The following NPAS3 variants were observed in gnomAD, a reference collection of about 807,000 sequenced individuals.
NPAS3 encodes neuronal PAS domain-containing protein 3.
NPAS3 carries 14 observed loss-of-function variants against 73.1 expected under a neutral mutation model. That is an observed-to-expected ratio of 0.19 (90% confidence interval 0.13 to 0.30). The LOEUF (loss-of-function observed/expected upper bound fraction) is 0.30, where lower values mean the gene tolerates loss of function less well. Ranked by LOEUF, NPAS3 falls within the 10% of genes least tolerant of loss-of-function variation. NPAS3 has a pLI of 1.00. For synonymous variants in NPAS3, 620 were observed against 541.5 expected (o/e 1.14, Z -2.01); for missense variants, 1,096 against 1,250.0 (o/e 0.88, Z 1.86).
intron 1 of NPAS3, among the ~76,000 whole-genome samples, chr14:32,978,101 A>T (rs1178382671): frequency 7.0e-6 from 1 of 143,376 alleles, no homozygotes; most frequent in African/African-American, 2.7e-5. Flanking sequence ...ACAAATGAGG[A>T]AGTGAAGATG....
At chr14:33,504,428 A>T (rs1349703759) in intron 4 of NPAS3, among the ~76,000 whole-genome samples, 1 of 152,040 alleles carries the variant, frequency 6.6e-6, no homozygotes, top group Non-Finnish European at 1.5e-5. Context: ...GTGATTCCCA[A>T]GACTTTTATA....
intron 4 of NPAS3, among the ~76,000 whole-genome samples, chr14:33,374,165 T>G (rs144449829): frequency 6.6e-6 from 1 of 152,326 alleles, no homozygotes; most frequent in East Asian, 1.9e-4. Flanking sequence ...ATGGATAATG[T>G]TGTCAACCTC....
chr14:33,059,558 C>T (rs1394991211), intron 2 of NPAS3, among the ~76,000 whole-genome samples: 5 of 152,040 alleles, frequency 3.3e-5, no homozygotes, highest in African/African-American at 1.2e-4. Flanking sequence ...AGTTATTTTG[C>T]TAAGTATTAC....
rs1389031338 is a variant in NPAS3 at position 32,977,351 on chromosome 14, G to GACACAC, written c.50+37989_50+37990insACACAC. Among the ~76,000 whole-genome samples the GACACAC allele has an allele frequency of 3.8e-3, 36 of 9,478 alleles. 1 individual carries two copies. The highest frequency in any genetic ancestry group is 7.4e-3 in the African/African-American group (35 of 4,718). 6.2% of individuals were successfully genotyped at this position (9,478 alleles called of 152,430 possible). A position where few individuals can be genotyped will look rare whatever the true frequency, so the allele number is the denominator to read the frequency against. On this transcript the variant is annotated intron_variant, in intron 1 of 11. Transcript: ENST00000356141. ...TTACCTTTCTACGAGTTTTGTCTCT[G>GACACAC]ACACGCACACACACACACACACACA... is the stretch of plus-strand genomic sequence containing the variant.
At chr14:33,334,241 T>C (rs1438219223) in intron 3 of NPAS3, among the ~76,000 whole-genome samples, 1 of 152,198 alleles carries the variant, frequency 6.6e-6, no homozygotes, top group Non-Finnish European at 1.5e-5. Flanking sequence ...ATATTTTATA[T>C]ACTGTGCAAT....
Position 33,178,079 on chromosome 14 carries a change from G to GT in NPAS3, c.141-37090dup, listed in dbSNP as rs57878369. Among the ~76,000 whole-genome samples the GT allele has an allele frequency of 3.0e-4, 38 of 126,386 alleles. No homozygotes were observed. In the East Asian group the frequency reaches 5.5e-3, roughly 18 times the overall value. The allele number at this position is 126,386 out of a possible 152,430, so 82.9% of individuals were successfully genotyped here. On this transcript the variant is annotated intron_variant, in intron 2 of 11. Transcript: ENST00000356141. ...ATAGGCATTGAAGTGAATTTTTTTT[G>GT]TTTTTTTTTTTTTGGAGACAGAGTC... is the stretch of plus-strand genomic sequence containing the variant.
At chr14:33,493,999 A>G (rs888766214) in intron 4 of NPAS3, among the ~76,000 whole-genome samples, 29 of 152,148 alleles carry the variant, frequency 1.9e-4, no homozygotes, top group African/African-American at 6.8e-4. Context: ...TTTGTTTAGC[A>G]AGTATTACAT....
At chr14:32,989,703 C>T (rs1658947599) in intron 1 of NPAS3, among the ~76,000 whole-genome samples, 1 of 152,114 alleles carries the variant, frequency 6.6e-6, no homozygotes, top group Non-Finnish European at 1.5e-5. Flanking sequence ...GTATTCTATG[C>T]AATGAATTTT....
At chr14:33,756,172 T>C (rs773704130) in intron 7 of NPAS3, among the ~76,000 whole-genome samples, 1 of 152,196 alleles carries the variant, frequency 6.6e-6, no homozygotes, top group Non-Finnish European at 1.5e-5. Context: ...CTCTTTGCAT[T>C]GGAATAAAGT....
chr14:33,254,552 C>T (rs143002191), intron 3 of NPAS3, among the ~76,000 whole-genome samples: 148 of 152,236 alleles, frequency 9.7e-4, no homozygotes, highest in Non-Finnish European at 1.7e-3. Context: ...TCAAAGCCTA[C>T]GGTAGTGCCT....
chr14:32,974,671 C>G (rs1247433694), intron 1 of NPAS3, among the ~76,000 whole-genome samples: 1 of 152,108 alleles, frequency 6.6e-6, no homozygotes, highest in South Asian at 2.1e-4. Context: ...ATGGATACCT[C>G]AGCTCTATCA....
At chr14:33,713,004 C>G (rs2060864873) in intron 6 of NPAS3, among the ~76,000 whole-genome samples, 1 of 152,166 alleles carries the variant, frequency 6.6e-6, no homozygotes, top group Admixed American at 6.5e-5. Flanking sequence ...ATATTCATCT[C>G]TTACTCCTCC....
chr14:33,542,941 A>T (rs1329715562), intron 4 of NPAS3, among the ~76,000 whole-genome samples: 1 of 152,144 alleles, frequency 6.6e-6, no homozygotes, highest in East Asian at 1.9e-4. Flanking sequence ...ACAGAACTGG[A>T]CTTGGGAAAA....
intron 3 of NPAS3, among the ~76,000 whole-genome samples, chr14:33,246,585 T>C (rs2048391623): frequency 6.6e-6 from 1 of 151,064 alleles, no homozygotes; most frequent in Admixed American, 6.6e-5. Flanking sequence ...CTTGTTCCTT[T>C]CCTATCTTCA....
chr14:33,347,813 T>C (rs1299753176), intron 3 of NPAS3, among the ~76,000 whole-genome samples: 1 of 152,242 alleles, frequency 6.6e-6, no homozygotes, highest in East Asian at 1.9e-4. Flanking sequence ...TTACATTGTA[T>C]TGCTCAGGGA....
intron 3 of NPAS3, among the ~76,000 whole-genome samples, chr14:33,262,883 G>A (rs2049024725): frequency 6.6e-6 from 1 of 152,120 alleles, no homozygotes; most frequent in South Asian, 2.1e-4. Flanking sequence ...GTGATGATGA[G>A]CATTTTTTCA....
At chr14:33,146,334 G>T (rs1439124725) in intron 2 of NPAS3, among the ~76,000 whole-genome samples, 2 of 152,116 alleles carry the variant, frequency 1.3e-5, no homozygotes, top group Non-Finnish European at 2.9e-5. Context: ...GTGTAAGCTC[G>T]ACCCCCTTCC....
At chr14:33,376,741 CTG>C (rs1293974779) in intron 4 of NPAS3, among the ~76,000 whole-genome samples, 2 of 152,160 alleles carry the variant, frequency 1.3e-5, no homozygotes, top group Non-Finnish European at 2.9e-5. Flanking sequence ...CATTTATTAA[CTG>C]TGTGCACCTA....
chr14:33,421,607 G>GT (rs2048361842), intron 4 of NPAS3, among the ~76,000 whole-genome samples: 1 of 151,612 alleles, frequency 6.6e-6, no homozygotes, highest in Non-Finnish European at 1.5e-5. Context: ...ATTCAGATAT[G>GT]TTTTGTCTTT....
Sources: allele counts gnomAD v4.1 joint callset (sites outside exome capture counted in the v4.1 genomes callset), GRCh38; gene constraint gnomAD v4.1.1; transcripts MANE v1.5; gene names NCBI Gene and HGNC (gene_info 2026-07-23, HGNC 2026-07-21).